LMX1A: variants seen among roughly 807,000 people sequenced by gnomAD.
LMX1A encodes LIM homeobox transcription factor 1-alpha.
LMX1A carries 15 observed loss-of-function variants against 49.1 expected under a neutral mutation model. That is an observed-to-expected ratio of 0.31 (90% CI 0.20 to 0.47). LMX1A has a LOEUF of 0.47. Ranked by LOEUF, LMX1A falls within the 20% of genes least tolerant of loss-of-function variation. The pLI, the probability that LMX1A is intolerant of heterozygous loss-of-function variation, is 1.00. For synonymous variants in LMX1A, 167 were observed against 185.7 expected, an observed-to-expected ratio of 0.90 and a Z score of 0.82; for missense variants, 372 against 475.8, an observed-to-expected ratio of 0.78 and a Z score of 2.03.
At chr1:165,205,783 G>T in intron 8 of LMX1A, 81 bp downstream of exon 8, 1 of 1,350,956 alleles carries the variant, frequency 7.4e-7, no homozygotes, top group East Asian at 2.4e-5. Flanking sequence ...GAGCATCTGG[G>T]AACTGCCTAG....
At chr1:165,245,330 T>G (rs1041272912) in intron 4 of LMX1A, among the ~76,000 whole-genome samples, 4 of 152,108 alleles carry the variant, frequency 2.6e-5, no homozygotes, top group African/African-American at 9.7e-5. Flanking sequence ...AATTAAAATG[T>G]TAAGGGACAA....
At chr1:165,305,745 G>A (rs1654903288) in intron 3 of LMX1A, among the ~76,000 whole-genome samples, 2 of 152,062 alleles carry the variant, frequency 1.3e-5, no homozygotes, top group Non-Finnish European at 2.9e-5. Flanking sequence ...TTTATTATTG[G>A]TCTCACTCAT....
intron 3 of LMX1A, among the ~76,000 whole-genome samples, chr1:165,350,753 C>T (rs1656402251): frequency 6.6e-6 from 1 of 152,136 alleles, no homozygotes; most frequent in Non-Finnish European, 1.5e-5. Context: ...TAAGCACAGG[C>T]CAGTACTGCT....
chr1:165,210,672 G>C, intron 6 of LMX1A, 27 bp downstream of exon 6: 1 of 1,560,924 alleles, frequency 6.4e-7, no homozygotes, highest in South Asian at 1.1e-5. Flanking sequence ...GCAACATGGG[G>C]ACAGATAAAA....
chr1:165,268,791 T>C (rs1291782403), intron 3 of LMX1A, among the ~76,000 whole-genome samples: 4 of 152,204 alleles, frequency 2.6e-5, no homozygotes, highest in Non-Finnish European at 5.9e-5. Flanking sequence ...TAAAAGCAGT[T>C]TGTAAAATAG....
chr1:165,278,963 G>T (rs1833029), intron 3 of LMX1A, among the ~76,000 whole-genome samples: 1 of 152,180 alleles, frequency 6.6e-6, no homozygotes, highest in Admixed American at 6.5e-5. Flanking sequence ...CCTCAGCCCA[G>T]GAGGGCACCA....
intron 3 of LMX1A, among the ~76,000 whole-genome samples, chr1:165,347,196 GA>G (rs948199152): frequency 6.6e-6 from 1 of 152,038 alleles, no homozygotes; most frequent in Non-Finnish European, 1.5e-5. Flanking sequence ...GCACAAAGGG[GA>G]AAAAAGGCAT....
At chr1:165,226,750 C>A (rs1213694094) in intron 4 of LMX1A, among the ~76,000 whole-genome samples, 1 of 152,182 alleles carries the variant, frequency 6.6e-6, no homozygotes, top group Non-Finnish European at 1.5e-5. Context: ...TGTACATAGA[C>A]CAAACTTCTG....
intron 3 of LMX1A, among the ~76,000 whole-genome samples, chr1:165,330,549 C>G (rs1655716621): frequency 6.6e-6 from 1 of 152,166 alleles, no homozygotes; most frequent in African/African-American, 2.4e-5. Context: ...CCAACCTCCC[C>G]CAGATAATTA....
At chr1:165,308,299 G>A (rs79200213) in intron 3 of LMX1A, among the ~76,000 whole-genome samples, 307 of 152,298 alleles carry the variant, frequency 2.0e-3, no homozygotes, top group African/African-American at 6.8e-3. Context: ...TTCCATACAA[G>A]CTTTGTGGCC....
rs1652766759 is a variant in LMX1A at position 165,244,363 on chromosome 1, A to G, written c.496+5045T>C. 2.6e-5 allele frequency among the ~76,000 whole-genome samples: 4 copies of G among 152,206 alleles called. No homozygotes were observed. In the South Asian group the frequency reaches 8.3e-4, roughly 32 times the overall value. On this transcript the variant is annotated intron_variant, in intron 4 of 8. Transcript: ENST00000342310. ...GTCCTAGGATCCGCAATTTATAGCC[A>G]GTGAGTTAGAAATATAGCTGACAAC...
chr1:165,210,853 T>C (rs948613291), intron 5 of LMX1A, 77 bp from the exon 6 acceptor site: 1 of 940,544 alleles, frequency 1.1e-6, no homozygotes, highest in African/African-American at 1.7e-5. Flanking sequence ...ATATAATACT[T>C]GAGGAGGCCA....
chr1:165,242,525 T>G (rs73029221), intron 4 of LMX1A, among the ~76,000 whole-genome samples: 1 of 150,538 alleles, frequency 6.6e-6, no homozygotes, highest in Non-Finnish European at 1.5e-5. Flanking sequence ...AATAAAGATA[T>G]TGTTTGAGAT....
At chr1:165,207,713 T>G (rs970777354) in intron 7 of LMX1A, 3 of 272,948 alleles carry the variant, frequency 1.1e-5, no homozygotes, top group Admixed American at 5.2e-5. Context: ...CGAGGTGTCT[T>G]CTATTAAATC....
At chr1:165,289,238 T>C (rs1260975550) in intron 3 of LMX1A, among the ~76,000 whole-genome samples, 2 of 50,386 alleles carry the variant, frequency 4.0e-5, no homozygotes, top group Non-Finnish European at 8.6e-5. Context: ...TCTCTGATTA[T>C]TGATAAAAAA....
At chr1:165,284,395 G>A (rs868311706) in intron 3 of LMX1A, among the ~76,000 whole-genome samples, 29 of 152,326 alleles carry the variant, frequency 1.9e-4, no homozygotes, top group African/African-American at 6.5e-4. Context: ...GGTTAGAATA[G>A]GAGCTGACGA....
intron 4 of LMX1A, among the ~76,000 whole-genome samples, chr1:165,229,677 A>G (rs909156332): frequency 1.3e-5 from 2 of 152,214 alleles, no homozygotes; most frequent in Non-Finnish European, 2.9e-5. Flanking sequence ...CTTCCTGGTT[A>G]TGATCACTGA....
At chr1:165,264,584 G>C (rs1012274834) in intron 3 of LMX1A, among the ~76,000 whole-genome samples, 11 of 152,256 alleles carry the variant, frequency 7.2e-5, no homozygotes, top group East Asian at 1.9e-4. Context: ...AAGACAGCAC[G>C]ACCTTTGAGG....
intron 3 of LMX1A, among the ~76,000 whole-genome samples, chr1:165,311,132 T>C (rs925421264): frequency 2.6e-5 from 4 of 152,222 alleles, no homozygotes; most frequent in African/African-American, 9.6e-5. Flanking sequence ...CATTTTTTCT[T>C]CCGCCAGGGC....
Sources: allele counts gnomAD v4.1 joint callset (sites outside exome capture counted in the v4.1 genomes callset), GRCh38; gene constraint gnomAD v4.1.1; transcripts MANE v1.5; gene names NCBI Gene and HGNC (gene_info 2026-07-23, HGNC 2026-07-21).